CHRNA7: variants seen among roughly 807,000 people sequenced by gnomAD.
The protein encoded by CHRNA7 is cholinergic receptor nicotinic alpha 7 subunit, also known as neuronal acetylcholine receptor subunit alpha-7.
A neutral mutation model predicts 48.0 loss-of-function variants in CHRNA7; 17 were observed. The ratio of observed to expected loss-of-function variants is 0.35; its 90% CI spans 0.24 to 0.53. The LOEUF (loss-of-function observed/expected upper bound fraction) is 0.53. Among genes scored for constraint, CHRNA7 ranks in the 20% least tolerant of loss-of-function variants. CHRNA7 has a pLI of 0.92. For synonymous variants in CHRNA7, 75 were observed against 242.3 expected, an observed-to-expected ratio of 0.31 and a Z score of 6.41; for missense variants, 155 against 577.7, an observed-to-expected ratio of 0.27 and a Z score of 7.50.
chr15:32,101,456 A>T, intron 3 of CHRNA7, 109 bp downstream of exon 3: 1 of 1,166,158 alleles, frequency 8.6e-7, no homozygotes, highest in Non-Finnish European at 1.2e-6. Context: ...TTTAGGAAAA[A>T]AAACCAAAAA....
In CHRNA7 at chr15:32,053,356, T is replaced by G. The variant is rs925549401; in HGVS notation, c.195+22319T>G. Among the ~76,000 whole-genome samples the G allele has an allele frequency of 2.6e-5, 4 of 152,218 alleles. No homozygotes were observed. The East Asian group carries it at 7.7e-4, about 29-fold the overall frequency. ...CGAAAATCTCTGCTGCCTTATTGAT[T>G]TATTTTTAAAATCAGGATTAGGTAG... is the stretch of plus-strand genomic sequence containing the variant. On this transcript the variant is annotated intron_variant, in intron 2 of 9. Coordinates refer to ENST00000306901, the MANE Select transcript of CHRNA7 (RefSeq NM_000746.6).
intron 2 of CHRNA7, among the ~76,000 whole-genome samples, chr15:32,096,502 G>C (rs113141450): frequency 3.9e-5 from 6 of 152,058 alleles, no homozygotes; most frequent in African/African-American, 1.4e-4. Flanking sequence ...AGAAGTCACC[G>C]TTTATAAACT....
At chr15:32,086,572 G>A (rs922309294) in intron 2 of CHRNA7, among the ~76,000 whole-genome samples, 1 of 152,052 alleles carries the variant, frequency 6.6e-6, no homozygotes, top group African/African-American at 2.4e-5. Context: ...ACTGAGGTCC[G>A]TACTTTATTC....
chr15:32,055,577 G>C (rs1236648557), intron 2 of CHRNA7, among the ~76,000 whole-genome samples: 2 of 152,304 alleles, frequency 1.3e-5, no homozygotes, highest in East Asian at 3.9e-4. Flanking sequence ...AGTCCATTCA[G>C]GAGGGTGGGG....
At chr15:32,092,723 A>G (rs1038388286) in intron 2 of CHRNA7, among the ~76,000 whole-genome samples, 1 of 152,228 alleles carries the variant, frequency 6.6e-6, no homozygotes, top group African/African-American at 2.4e-5. Flanking sequence ...AAACAAAACC[A>G]AGAAAAATAA....
intron 2 of CHRNA7, chr15:32,099,497 G>A (rs2050534250): frequency 6.6e-6 from 1 of 152,192 alleles, no homozygotes; most frequent in African/African-American, 2.4e-5. Flanking sequence ...CTCTAATGGG[G>A]TTTCTGTTAG....
intron 2 of CHRNA7, among the ~76,000 whole-genome samples, chr15:32,070,703 TTG>T (rs2050043571): frequency 1.2e-5 from 1 of 86,394 alleles, no homozygotes; most frequent in Non-Finnish European, 2.2e-5. Flanking sequence ...TTTTTTTTTT[TTG>T]AGACGGAGTC....
chr15:32,113,777 T>C (rs559849199), intron 4 of CHRNA7, among the ~76,000 whole-genome samples: 5 of 152,098 alleles, frequency 3.3e-5, no homozygotes, highest in African/African-American at 1.2e-4. Flanking sequence ...ATTTTCCAAT[T>C]CGGATTTTTT....
intron 4 of CHRNA7, among the ~76,000 whole-genome samples, chr15:32,137,411 T>C (rs1180248578): frequency 1.3e-5 from 2 of 152,066 alleles, no homozygotes; most frequent in Non-Finnish European, 2.9e-5. Flanking sequence ...AGTGATTTTT[T>C]AAAACTAAGG....
Position 32,108,060 on chromosome 15 carries a change from C to T in CHRNA7, c.241-3730C>T, listed in dbSNP as rs191926263. On this transcript the variant is annotated intron_variant, in intron 3 of 9. Coordinates refer to ENST00000306901, the MANE Select transcript of CHRNA7 (RefSeq NM_000746.6). ...TAATGAAAGATAACTTTCCTTTTTCCTCCCTCCCTTCCCCTCTCTCATCCC... is the reference window on the plus strand; with the variant it reads ...TAATGAAAGATAACTTTCCTTTTTCTTCCCTCCCTTCCCCTCTCTCATCCC... 1.5e-4 allele frequency among the ~76,000 whole-genome samples: 23 copies of T among 151,708 alleles called. No homozygotes were observed. The East Asian group carries it at 4.3e-3, about 28-fold the overall frequency.
chr15:32,054,486 C>CAATT (rs2049750667), intron 2 of CHRNA7, among the ~76,000 whole-genome samples: 2 of 152,196 alleles, frequency 1.3e-5, no homozygotes, highest in Non-Finnish European at 2.9e-5. Context: ...TAGATATACA[C>CAATT]TAATGTGGCA....
In CHRNA7 at chr15:32,031,047, G is replaced by A; in HGVS notation, c.195+10G>A. On this transcript the variant is annotated intron_variant, in intron 2 of 9. Coordinates refer to ENST00000306901, the MANE Select transcript of CHRNA7 (RefSeq NM_000746.6). ...GCAGATCATGGACGTGGTGAGTCCC[G>A]CCTGGCTACAGGGCTGCCCTCTCCC... is the stretch of plus-strand genomic sequence containing the variant. The A allele has an allele frequency of 6.2e-7, 1 of 1,613,946 alleles. No individual in the cohort carries two copies. Among genetic ancestry groups the A allele is most frequent in the African/African-American group, 1.3e-5 (1 of 75,040 alleles).
intron 4 of CHRNA7, among the ~76,000 whole-genome samples, chr15:32,148,886 C>T (rs566385764): frequency 1.1e-4 from 16 of 152,226 alleles, no homozygotes; most frequent in African/African-American, 2.7e-4. Context: ...CATCCGTTTC[C>T]GTCTTTGGGA....
At chr15:32,120,146 C>T (rs770432231) in intron 4 of CHRNA7, among the ~76,000 whole-genome samples, 12 of 152,278 alleles carry the variant, frequency 7.9e-5, no homozygotes, top group Non-Finnish European at 1.3e-4. Context: ...GGGCGGGAAG[C>T]TGGTGCTCAG....
At chr15:32,108,262 C>T (rs1382464157) in intron 3 of CHRNA7, among the ~76,000 whole-genome samples, 2 of 152,034 alleles carry the variant, frequency 1.3e-5, no homozygotes, top group Admixed American at 6.5e-5. Flanking sequence ...CCTTCAGTGT[C>T]CCCTCACAAC....
intron 4 of CHRNA7, among the ~76,000 whole-genome samples, chr15:32,148,886 C>A (rs566385764): frequency 6.6e-6 from 1 of 152,226 alleles, no homozygotes; most frequent in African/African-American, 2.4e-5. Flanking sequence ...CATCCGTTTC[C>A]GTCTTTGGGA....
At chr15:32,138,910 C>G (rs572532703) in intron 4 of CHRNA7, among the ~76,000 whole-genome samples, 1 of 152,052 alleles carries the variant, frequency 6.6e-6, no homozygotes, top group Non-Finnish European at 1.5e-5. Flanking sequence ...CACGCCACCA[C>G]GCCTGGCTAA....
rs183241645 is a variant in CHRNA7, at chr15:32,077,962, C to T, written c.196-23341C>T. On this transcript the variant is annotated intron_variant, in intron 2 of 9. Transcript: ENST00000306901. ...AGGGATTTGCCCCGTGACCCAAACA[C>T]TTCCCCTTAGGTGCCACCTCCAGTG... Among the ~76,000 whole-genome samples the T allele has an allele frequency of 5.2e-3, 793 of 152,324 alleles. 5 individuals carry two copies. The highest frequency in any genetic ancestry group is 0.01 in the Middle Eastern group (3 of 294).
intron 4 of CHRNA7, among the ~76,000 whole-genome samples, chr15:32,148,906 A>G (rs1442637260): frequency 1.3e-5 from 2 of 152,184 alleles, no homozygotes; most frequent in Non-Finnish European, 2.9e-5. Flanking sequence ...AGCTCTGGCT[A>G]TCCTTTAAAG....
Sources: gnomAD v4.1 joint callset for allele counts (sites outside exome capture counted in the v4.1 genomes callset) on GRCh38, gnomAD v4.1.1 for gene constraint, MANE v1.5 for transcripts, NCBI Gene and HGNC (gene_info 2026-07-23, HGNC 2026-07-21) for gene names.